Variants in GCNT4 observed in about 807,000 individuals in gnomAD.
The protein encoded by GCNT4 is beta-1,3-galactosyl-O-glycosyl-glycoprotein beta-1,6-N-acetylglucosaminyltransferase 4.
A neutral mutation model predicts 31.3 loss-of-function variants in GCNT4; 17 were observed. That is an observed-to-expected ratio of 0.54 (90% CI 0.37 to 0.81). The LOEUF is 0.81. Among genes scored for constraint, GCNT4 ranks in the 40% least tolerant of loss-of-function variants. The pLI is 0.00. For missense variants in GCNT4, 503 were observed against 525.5 expected (o/e 0.96, Z 0.42); for synonymous variants, 158 against 190.6 (o/e 0.83, Z 1.41).
downstream of GCNT4, among the ~76,000 whole-genome samples, chr5:75,020,430 C>G (rs967818709): frequency 6.6e-6 from 1 of 152,110 alleles, no homozygotes; most frequent in South Asian, 2.1e-4. Flanking sequence ...GGCTGCTGAC[C>G]CTGTGGCTGG....
chr5:75,040,538 C>T (rs538603749), intron 3 of GCNT4, among the ~76,000 whole-genome samples: 9 of 152,332 alleles, frequency 5.9e-5, no homozygotes, highest in African/African-American at 2.2e-4. Flanking sequence ...TAGCATATCA[C>T]TTAATCTTGG....
chr5:75,047,136 G>T (rs1397032323), intron 3 of GCNT4, among the ~76,000 whole-genome samples: 2 of 152,052 alleles, frequency 1.3e-5, no homozygotes, highest in Non-Finnish European at 2.9e-5. Flanking sequence ...CATCTCTGGG[G>T]CTTCATTTCC....
At chr5:75,032,470 G>C (rs1743086041) in intron 3 of GCNT4, among the ~76,000 whole-genome samples, 1 of 152,186 alleles carries the variant, frequency 6.6e-6, no homozygotes, top group African/African-American at 2.4e-5. Context: ...CATGGCCCAT[G>C]TTTGAAACTA....
Position 75,027,136 on chromosome 5 carries a change from T to C in GCNT4, c.*1540A>G, listed in dbSNP as rs1742961303. ...CTGAGGCTGCCATTGAGACATATCA[T>C]GACCAAGAAATTTTTACATGAGTTC... On this transcript the variant is annotated 3_prime_UTR_variant, in exon 4 of 4. Transcript: ENST00000652361. 1 of 150,996 alleles carries C rather than the reference T, an allele frequency of 6.6e-6. No homozygotes were observed. The highest frequency in any genetic ancestry group is 2.4e-5 in the African/African-American group (1 of 41,100). The allele number at this position is 150,996 out of a possible 1,614,324, so 9.4% of individuals were successfully genotyped here. A position where few individuals can be genotyped will look rare whatever the true frequency, so the allele number is the denominator to read the frequency against.
chr5:75,041,401 G>T (rs1743315859), intron 3 of GCNT4, among the ~76,000 whole-genome samples: 1 of 152,160 alleles, frequency 6.6e-6, no homozygotes, highest in Non-Finnish European at 1.5e-5. Context: ...TTCTCTCTAG[G>T]CCTGCAATTA....
At chr5:75,037,900 CA>C (rs200998686) in intron 3 of GCNT4, among the ~76,000 whole-genome samples, 1 of 125,476 alleles carries the variant, frequency 8.0e-6, no homozygotes, top group African/African-American at 2.9e-5. Flanking sequence ...AAACAAAAAA[CA>C]AAAAAAACAA....
chr5:75,029,289 T>C lies in GCNT4; in HGVS notation c.749A>G (p.Asn250Ser), dbSNP rs755047564. Residue 250 changes from asparagine (N) to serine (S), a missense_variant, in exon 4 of 4, where the codon AAT becomes AGT. Coordinates refer to ENST00000652361, the MANE Select transcript of GCNT4 (RefSeq NM_001366737.1). ...TGGGGGTTTCACCGTCTCCAACATATTTGCTCCATTGAGTTTTTTCAACTC... is the reference window on the plus strand; with the variant it reads ...TGGGGGTTTCACCGTCTCCAACATACTTGCTCCATTGAGTTTTTTCAACTC... ...VSELKKLNGA[N>S]MLETVKPPNS... 48 of 1,614,042 alleles carry C rather than the reference T, an allele frequency of 3.0e-5. No individual in the cohort carries two copies. The highest frequency in any genetic ancestry group is 3.9e-5 in the Non-Finnish European group (46 of 1,180,022).
At chr5:75,050,290 C>T (rs1372658180) in intron 2 of GCNT4, among the ~76,000 whole-genome samples, 5 of 152,242 alleles carry the variant, frequency 3.3e-5, no homozygotes, top group Non-Finnish European at 7.3e-5. Flanking sequence ...TGACAGTTTA[C>T]ATTACATGAG....
At chr5:75,032,870 G>GGGGT (rs1554062287) in intron 3 of GCNT4, among the ~76,000 whole-genome samples, 10,758 of 81,940 alleles carry the variant, frequency 0.13, 589 homozygotes, top group East Asian at 0.21. Flanking sequence ...ATCCCAAATA[G>GGGGT]GGGTGTGTGT....
At chr5:75,032,187 C>T (rs76583271) in intron 3 of GCNT4, among the ~76,000 whole-genome samples, 6,127 of 152,218 alleles carry the variant, frequency 0.04, 174 homozygotes, top group Non-Finnish European at 0.064. Context: ...CTGTGGACTG[C>T]CCCAGGCTCC....
At chr5:75,044,090 T>C (rs911425189) in intron 3 of GCNT4, among the ~76,000 whole-genome samples, 1 of 152,152 alleles carries the variant, frequency 6.6e-6, no homozygotes, top group Non-Finnish European at 1.5e-5. Context: ...GTATGGTTTC[T>C]AGTCACAGGC....
downstream of GCNT4, among the ~76,000 whole-genome samples, chr5:75,021,353 C>A (rs1045052649): frequency 6.6e-6 from 1 of 152,160 alleles, no homozygotes; most frequent in Non-Finnish European, 1.5e-5. Flanking sequence ...TAACAAGTCC[C>A]AAGAGCCCTG....
chr5:75,018,606 T>C, the GCNT4 span, among the ~76,000 whole-genome samples: 2 of 152,086 alleles, frequency 1.3e-5, no homozygotes, highest in South Asian at 4.2e-4. Flanking sequence ...CAGTAACATG[T>C]TTTAAGTGGA....
At chr5:75,021,144 T>C (rs546259000), downstream of GCNT4, among the ~76,000 whole-genome samples, 3 of 152,304 alleles carry the variant, frequency 2.0e-5, no homozygotes, top group South Asian at 6.2e-4. Context: ...TTGACTGCCT[T>C]GAACATCTCG....
In GCNT4 at chr5:75,044,378, T is replaced by C. The variant is rs560832760; in HGVS notation, c.-2+3519A>G. Among the ~76,000 whole-genome samples, 16 of 151,476 alleles carry C rather than the reference T, an allele frequency of 1.1e-4. No homozygotes were observed. The South Asian group carries it at 3.4e-3, about 32-fold the overall frequency. On this transcript the variant is annotated intron_variant, in intron 3 of 3. Coordinates refer to ENST00000652361, the MANE Select transcript of GCNT4 (RefSeq NM_001366737.1). ...TCCTGCTTTACTTCTGTGTACATCA[T>C]ACAGGTTTAGAATTTAAAGCCAATG...
At chr5:75,032,872 G>GGGGTGTGTGT (rs1302225317) in intron 3 of GCNT4, among the ~76,000 whole-genome samples, 1 of 130,646 alleles carries the variant, frequency 7.7e-6, no homozygotes, top group Non-Finnish European at 1.7e-5. Flanking sequence ...CCCAAATAGG[G>GGGGTGTGTGT]GTGTGTGTGT....
chr5:75,024,544 C>G (rs1259337582), downstream of GCNT4, among the ~76,000 whole-genome samples: 1 of 152,048 alleles, frequency 6.6e-6, no homozygotes, highest in Non-Finnish European at 1.5e-5. Context: ...TTGATGATAA[C>G]AAATACTCAG....
At chr5:75,024,483 T>C (rs901688344), downstream of GCNT4, among the ~76,000 whole-genome samples, 1 of 151,916 alleles carries the variant, frequency 6.6e-6, no homozygotes, top group Admixed American at 6.6e-5. Flanking sequence ...CTGTTATGGG[T>C]TTAGAAATGG....
chr5:75,040,236 T>A (rs1480072883), intron 3 of GCNT4, among the ~76,000 whole-genome samples: 2 of 151,612 alleles, frequency 1.3e-5, no homozygotes, highest in Non-Finnish European at 2.9e-5. Flanking sequence ...TGGAGTGCAG[T>A]GGCGCCAACT....
Sources: allele counts gnomAD v4.1 joint callset (sites outside exome capture counted in the v4.1 genomes callset), GRCh38; gene constraint gnomAD v4.1.1; transcripts MANE v1.5; gene names NCBI Gene and HGNC (gene_info 2026-07-23, HGNC 2026-07-21).